SSPN: variants seen among roughly 807,000 people sequenced by gnomAD.
SSPN encodes K-ras oncogene-associated protein.
SSPN carries 15 observed loss-of-function variants against 19.1 expected under a neutral mutation model. The observed-to-expected ratio is 0.78, with a 90% CI of 0.52 to 1.21. The LOEUF (loss-of-function observed/expected upper bound fraction) is 1.21. Ranked by LOEUF, SSPN falls within the 50% of genes most tolerant of loss-of-function variation. The pLI, the probability that SSPN is intolerant of heterozygous loss-of-function variation, is 0.00. For missense variants in SSPN, 291 were observed against 314.0 expected (o/e 0.93, Z 0.55); for synonymous variants, 147 against 140.3 (o/e 1.05, Z -0.34).
chr12:26,233,814 C>G lies in SSPN; in HGVS notation c.*2738C>G, dbSNP rs1425168707. On this transcript the variant is annotated 3_prime_UTR_variant, in exon 3 of 3. Transcript: ENST00000242729. The surrounding 1 kb of genome is among the most constrained non-coding windows in gnomAD (Gnocchi z 4.3). ...TTGGAAAGACGGGGAAGAGCCGGGA[C>G]TTGGCAGTACTTGAAACAGGAGGAA... is the stretch of plus-strand genomic sequence containing the variant. The G allele has an allele frequency of 6.6e-6, 1 of 152,218 alleles. No individual in the cohort carries two copies. The highest frequency in any genetic ancestry group is 1.5e-5 in the Non-Finnish European group (1 of 68,062). The allele number at this position is 152,218 out of a possible 1,614,324, so 9.4% of individuals were successfully genotyped here.
Position 26,230,918 on chromosome 12 carries a change from A to G in SSPN, c.574A>G (p.Lys192Glu). 9 of 1,614,112 alleles carry G rather than the reference A, an allele frequency of 5.6e-6. No individual in the cohort carries two copies. Among genetic ancestry groups the G allele is most frequent in the Non-Finnish European group, 5.9e-6 (7 of 1,180,022 alleles). The change falls in exon 3 of 3, where the codon AAA (lysine) becomes GAA (glutamate). Residue 192 changes from lysine (K) to glutamate (E), a missense_variant. By Grantham distance (56) the Lys-to-Glu change is moderately conservative. Around this residue, in one of 3 missense-constraint regions of SSPN, gnomAD observed 141 missense variants for 166.7 expected, o/e 0.85. Coordinates refer to ENST00000242729, the MANE Select transcript of SSPN (RefSeq NM_005086.5). ...CTGTACCAGCGTCACTGGCACTTTC[A>G]AACTGTTCTTACTCATCCAGATGAT... Reference protein sequence around the residue: ...TDCTSVTGTFKLFLLIQMILN... With the variant: ...TDCTSVTGTFELFLLIQMILN...
At chr12:26,133,642 A>G (rs967310657) in intron 1 of SSPN, among the ~76,000 whole-genome samples, 3 of 152,208 alleles carry the variant, frequency 2.0e-5, no homozygotes, top group Admixed American at 6.5e-5. Context: ...CCTGAATCCC[A>G]TTGAGCTCAG....
At chr12:26,216,946 G>A (rs1945058633) in intron 1 of SSPN, among the ~76,000 whole-genome samples, 1 of 107,752 alleles carries the variant, frequency 9.3e-6, no homozygotes, top group Admixed American at 9.6e-5. Flanking sequence ...CTCTGTTTTG[G>A]TACCAGTACC....
intron 1 of SSPN, among the ~76,000 whole-genome samples, chr12:26,147,620 A>G (rs17464383): frequency 0.039 from 5,888 of 152,294 alleles, 146 homozygotes; most frequent in South Asian, 0.07. Flanking sequence ...TTTTTTGATT[A>G]CTACTTAATG....
rs899915308 is a variant in SSPN at position 26,231,906 on chromosome 12, G to T, written c.*830G>T. On this transcript the variant is annotated 3_prime_UTR_variant, in exon 3 of 3. Transcript: ENST00000242729. ...TTATGCTCAGAAGTCTATTTAATGA[G>T]CTCTGACTGTACTTACGCTGCACTG... 11 of 976,916 alleles carry T rather than the reference G, an allele frequency of 1.1e-5. No homozygotes were observed. In the African/African-American group the frequency reaches 1.9e-4, roughly 17 times the overall value. The allele number at this position is 976,916 out of a possible 1,614,324, so 60.5% of individuals were successfully genotyped here.
rs1216409165 is a variant in SSPN at position 26,233,414 on chromosome 12, T to C, written c.*2338T>C. The C allele has an allele frequency of 6.6e-6, 1 of 151,670 alleles. No individual in the cohort carries two copies. Among genetic ancestry groups the C allele is most frequent in the African/African-American group, 2.4e-5 (1 of 41,126 alleles). 9.4% of individuals were successfully genotyped at this position (151,670 alleles called of 1,614,324 possible). Reference sequence around the variant, plus strand: ...ATAAAATGGGGATATTACTATTGTATGATTAAATCATTCTTAAGTCCCCAA... The same window carrying C: ...ATAAAATGGGGATATTACTATTGTACGATTAAATCATTCTTAAGTCCCCAA... On this transcript the variant is annotated 3_prime_UTR_variant, in exon 3 of 3. Coordinates refer to ENST00000242729, the MANE Select transcript of SSPN (RefSeq NM_005086.5). This position sits in a 1 kb window ranked among gnomAD's most constrained non-coding sequence, Gnocchi z 4.3.
At chr12:26,201,017 ATATATATATATATATATATATATATATAT>A (rs1352953874) in intron 1 of SSPN, among the ~76,000 whole-genome samples, 2 of 47,452 alleles carry the variant, frequency 4.2e-5, no homozygotes, top group Admixed American at 2.5e-4. Flanking sequence ...TTGTGTATAT[ATATATATATATATATATATATATATATAT>A]TATATATATA....
chr12:26,133,409 G>A (rs1239919657), intron 1 of SSPN, among the ~76,000 whole-genome samples: 1 of 151,850 alleles, frequency 6.6e-6, no homozygotes, highest in African/African-American at 2.4e-5. Context: ...TCCAGACCAG[G>A]CCCCCATAAT....
At chr12:26,182,121 C>T (rs1944722075) in intron 1 of SSPN, among the ~76,000 whole-genome samples, 1 of 152,186 alleles carries the variant, frequency 6.6e-6, no homozygotes, top group Admixed American at 6.5e-5. Flanking sequence ...AATGGGCTCT[C>T]CTGGATTTGA....
At chr12:26,122,923 ACCCGGCGGCCGAGGGAGC>A in intron 1 of SSPN, 1 of 1,550,556 alleles carries the variant, frequency 6.4e-7, no homozygotes, top group Middle Eastern at 1.8e-4. Flanking sequence ...GCGGCCGCGG[ACCCGGCGGCCGAGGGAGC>A]GCCGGTGCCT....
chr12:26,219,249 A>C (rs1229788945), intron 1 of SSPN, among the ~76,000 whole-genome samples: 1 of 152,200 alleles, frequency 6.6e-6, no homozygotes, highest in Non-Finnish European at 1.5e-5. Context: ...TGACATGGAG[A>C]GAGTAAATAC....
chr12:26,140,338 CTTT>C (rs1352955043), intron 1 of SSPN, among the ~76,000 whole-genome samples: 3 of 152,110 alleles, frequency 2.0e-5, no homozygotes, highest in Middle Eastern at 3.2e-3. Context: ...TTGTCCTCTT[CTTT>C]TATTAATTTT....
chr12:26,225,830 C>T (rs1945170625), intron 2 of SSPN, among the ~76,000 whole-genome samples: 1 of 150,592 alleles, frequency 6.6e-6, no homozygotes, highest in Non-Finnish European at 1.5e-5. Flanking sequence ...AGCTGAAGAA[C>T]ACCCCAAACT....
At chr12:26,177,219 A>G (rs1565679031) in intron 1 of SSPN, among the ~76,000 whole-genome samples, 1 of 152,188 alleles carries the variant, frequency 6.6e-6, no homozygotes, top group Admixed American at 6.5e-5. Flanking sequence ...CTACTATTAT[A>G]TTATTATTCC....
chr12:26,126,028 C>T (rs1197034720), intron 1 of SSPN: 7 of 152,200 alleles, frequency 4.6e-5, no homozygotes, highest in Non-Finnish European at 1.0e-4. Flanking sequence ...TTAATCCGGT[C>T]TCAAACGGGT....
chr12:26,214,003 G>A (rs1035727117), intron 1 of SSPN, among the ~76,000 whole-genome samples: 13 of 152,098 alleles, frequency 8.5e-5, no homozygotes, highest in Non-Finnish European at 1.3e-4. Flanking sequence ...AGAATGAGAC[G>A]ATTTCTAAGT....
At chr12:26,186,915 C>T (rs933914189) in intron 1 of SSPN, among the ~76,000 whole-genome samples, 1 of 152,150 alleles carries the variant, frequency 6.6e-6, no homozygotes, top group African/African-American at 2.4e-5. Context: ...ATAATGTTAT[C>T]AAGCCTCTCT....
At chr12:26,160,280 T>G (rs1429925847) in intron 1 of SSPN, among the ~76,000 whole-genome samples, 3 of 152,252 alleles carry the variant, frequency 2.0e-5, no homozygotes, top group African/African-American at 7.2e-5. Context: ...GAAAATGCCC[T>G]TGTGTACAAA....
At chr12:26,182,571 C>G (rs1007979454) in intron 1 of SSPN, among the ~76,000 whole-genome samples, 2 of 146,230 alleles carry the variant, frequency 1.4e-5, no homozygotes, top group Non-Finnish European at 3.0e-5. Context: ...TCTCCCTTCC[C>G]CTTCCCCTTC....
Sources: allele counts gnomAD v4.1 joint callset (sites outside exome capture counted in the v4.1 genomes callset), GRCh38; gene constraint gnomAD v4.1.1; regional missense constraint gnomAD v4.1.1; non-coding constraint Gnocchi (gnomAD v3.1); transcripts MANE v1.5; gene names NCBI Gene and HGNC (gene_info 2026-07-23, HGNC 2026-07-21).